EPHA6: variants seen among roughly 807,000 people sequenced by gnomAD.
The protein encoded by EPHA6 is ephrin type-A receptor 6.
EPHA6 carries 50 observed loss-of-function variants against 112.0 expected under a neutral mutation model. That is an observed-to-expected ratio of 0.45 (90% confidence interval 0.36 to 0.56). EPHA6 has a LOEUF of 0.56. EPHA6 is among the 20% of genes least tolerant of loss of function. EPHA6 has a pLI of 0.00. For missense variants in EPHA6, 1,280 were observed against 1,417.4 expected, an observed-to-expected ratio of 0.90 and a Z score of 1.56; for synonymous variants, 529 against 490.7, an observed-to-expected ratio of 1.08 and a Z score of -1.03.
At chr3:96,827,811 G>C (rs2033767307) in intron 1 of EPHA6, among the ~76,000 whole-genome samples, 1 of 152,052 alleles carries the variant, frequency 6.6e-6, no homozygotes, top group South Asian at 2.1e-4. Context: ...ATCAACAGGG[G>C]TCCCAAATTC....
chr3:97,635,052 C>A (rs1284685726), intron 13 of EPHA6, among the ~76,000 whole-genome samples: 1 of 151,548 alleles, frequency 6.6e-6, no homozygotes, highest in Non-Finnish European at 1.5e-5. Flanking sequence ...TGCAGTTTTA[C>A]CCATCAGAGT....
At chr3:97,711,336 G>A (rs574039090) in intron 14 of EPHA6, among the ~76,000 whole-genome samples, 23 of 151,896 alleles carry the variant, frequency 1.5e-4, no homozygotes, top group Admixed American at 1.0e-3. Flanking sequence ...GCCCAGTCTC[G>A]GGTATGTCTT....
intron 5 of EPHA6, among the ~76,000 whole-genome samples, chr3:97,344,772 T>C (rs2083458797): frequency 6.6e-6 from 1 of 152,192 alleles, no homozygotes; most frequent in Non-Finnish European, 1.5e-5. Context: ...TCCTTATGGA[T>C]TTAATTTGCA....
chr3:97,028,889 A>G (rs2108008454), intron 3 of EPHA6, among the ~76,000 whole-genome samples: 1 of 152,018 alleles, frequency 6.6e-6, no homozygotes, highest in East Asian at 1.9e-4. Flanking sequence ...AGTGTAAGCA[A>G]ACCTTTTTGC....
At chr3:97,597,566 T>G (rs2093605176) in intron 12 of EPHA6, among the ~76,000 whole-genome samples, 1 of 152,228 alleles carries the variant, frequency 6.6e-6, no homozygotes, top group African/African-American at 2.4e-5. Context: ...GAAAATGGTT[T>G]AACAACCCAG....
rs189121788 is a variant in EPHA6 at position 97,736,847 on chromosome 3, C to T, written c.3128+729C>T. ...ATTTTAAATATCATTAAGTTAAAAA[C>T]ATATTTCTTTATTTAGAAAAAGTTG... On this transcript the variant is annotated intron_variant, in intron 16 of 17. Coordinates refer to ENST00000389672, the MANE Select transcript of EPHA6 (RefSeq NM_001080448.3). 2.6e-4 allele frequency among the ~76,000 whole-genome samples: 39 copies of T among 152,080 alleles called. 3 individuals carry two copies. In the East Asian group the frequency reaches 3.7e-3, roughly 14 times the overall value.
intron 5 of EPHA6, among the ~76,000 whole-genome samples, chr3:97,290,634 C>A (rs1229050001): frequency 1.3e-5 from 2 of 151,926 alleles, no homozygotes; most frequent in Admixed American, 1.3e-4. Context: ...CAAAAATTTA[C>A]CTATTTATCC....
chr3:96,908,179 G>A (rs2039035686), intron 2 of EPHA6, among the ~76,000 whole-genome samples: 1 of 151,992 alleles, frequency 6.6e-6, no homozygotes, highest in Admixed American at 6.6e-5. Context: ...TACCTGCACA[G>A]GGAAGCTCCT....
chr3:97,018,550 G>A (rs1229616326), intron 3 of EPHA6, among the ~76,000 whole-genome samples: 3 of 152,222 alleles, frequency 2.0e-5, no homozygotes, highest in Non-Finnish European at 4.4e-5. Context: ...AGCTGAGGCA[G>A]AGAGGGAGAG....
chr3:97,306,566 A>G (rs2108739373), intron 5 of EPHA6, among the ~76,000 whole-genome samples: 1 of 151,928 alleles, frequency 6.6e-6, no homozygotes, highest in East Asian at 1.9e-4. Context: ...GGTCCCTCCC[A>G]GTGAACCACA....
intron 5 of EPHA6, among the ~76,000 whole-genome samples, chr3:97,266,683 C>T (rs572192332): frequency 9.9e-5 from 15 of 152,068 alleles, no homozygotes; most frequent in African/African-American, 3.4e-4. Context: ...TGATTTGAGC[C>T]ATCAAGATAA....
At chr3:96,824,590 A>G (rs546633188) in intron 1 of EPHA6, among the ~76,000 whole-genome samples, 1 of 152,130 alleles carries the variant, frequency 6.6e-6, no homozygotes, top group African/African-American at 2.4e-5. Flanking sequence ...GAGAAACAGG[A>G]AACACAAAGG....
chr3:96,916,995 G>A (rs2039513792), intron 2 of EPHA6, among the ~76,000 whole-genome samples: 1 of 152,116 alleles, frequency 6.6e-6, no homozygotes, highest in Non-Finnish European at 1.5e-5. Flanking sequence ...GTGGGCTGTA[G>A]TTTTCTAATT....
At position 97,105,314 on chromosome 3, in the gene EPHA6, T is replaced by C. The variant is rs2047531499; in HGVS notation, c.1114+117321T>C. 2.6e-5 allele frequency among the ~76,000 whole-genome samples: 4 copies of C among 152,276 alleles called. No homozygotes were observed. In the South Asian group the frequency reaches 8.3e-4, roughly 32 times the overall value. On this transcript the variant is annotated intron_variant, in intron 3 of 17. Coordinates refer to ENST00000389672, the MANE Select transcript of EPHA6 (RefSeq NM_001080448.3). The stretch of plus-strand genomic sequence containing the variant: ...ACACTGTCTTAGCCCCTCTTAACAC[T>C]GTCTTAGCTGTGTCACAGAGATTCT...
chr3:97,310,065 A>G (rs1371406395), intron 5 of EPHA6, among the ~76,000 whole-genome samples: 12 of 151,668 alleles, frequency 7.9e-5, no homozygotes, highest in Non-Finnish European at 3.0e-5. Flanking sequence ...GGTTGATTAT[A>G]TAACTCTTTT....
intron 3 of EPHA6, among the ~76,000 whole-genome samples, chr3:97,086,948 G>A (rs9857461): frequency 0.062 from 9,386 of 152,172 alleles, 317 homozygotes; most frequent in Middle Eastern, 0.13. Flanking sequence ...GAACGAATAA[G>A]ATTCATTGCT....
chr3:97,069,681 A>T (rs2046293959), intron 3 of EPHA6, among the ~76,000 whole-genome samples: 1 of 152,148 alleles, frequency 6.6e-6, no homozygotes, highest in Non-Finnish European at 1.5e-5. Flanking sequence ...TGTAAACACA[A>T]TAAAGTGTTT....
chr3:97,658,414 G>A (rs762670464), intron 14 of EPHA6, among the ~76,000 whole-genome samples: 12 of 151,962 alleles, frequency 7.9e-5, no homozygotes, highest in Non-Finnish European at 1.5e-4. Flanking sequence ...TTTAAACTAT[G>A]ATATAACTAT....
At chr3:97,515,357 C>T (rs1013142027) in intron 10 of EPHA6, among the ~76,000 whole-genome samples, 2 of 152,136 alleles carry the variant, frequency 1.3e-5, no homozygotes, top group Admixed American at 6.5e-5. Context: ...CCTTTACTTC[C>T]TATCATTCTG....
Sources: gnomAD v4.1 joint callset for allele counts (sites outside exome capture counted in the v4.1 genomes callset) on GRCh38, gnomAD v4.1.1 for gene constraint, MANE v1.5 for transcripts, NCBI Gene and HGNC (gene_info 2026-07-23, HGNC 2026-07-21) for gene names.